Variants in PLPPR1 observed in about 807,000 individuals in gnomAD.
PLPPR1 encodes the protein phospholipid phosphatase-related protein type 1.
A neutral mutation model predicts 33.1 loss-of-function variants in PLPPR1; 10 were observed. That is an observed-to-expected ratio of 0.30 (90% CI 0.19 to 0.51). PLPPR1 has a LOEUF of 0.51. PLPPR1 is among the 20% of genes least tolerant of loss of function. The pLI, the probability that PLPPR1 is intolerant of heterozygous loss-of-function variation, is 0.97. For missense variants in PLPPR1, 304 were observed against 408.1 expected (o/e 0.74, Z 2.20); for synonymous variants, 151 against 151.0 (o/e 1.00, Z 0.00).
intron 1 of PLPPR1, among the ~76,000 whole-genome samples, chr9:101,048,536 G>GGGC (rs1343430412): frequency 6.6e-6 from 1 of 152,108 alleles, no homozygotes; most frequent in Non-Finnish European, 1.5e-5. Context: ...TGGAGAAATG[G>GGGC]GGCTTAGAGT....
chr9:101,129,663 C>T (rs1831291816), intron 1 of PLPPR1, among the ~76,000 whole-genome samples: 1 of 152,128 alleles, frequency 6.6e-6, no homozygotes. Context: ...AACCCCGTCT[C>T]TACTAAAAAT....
chr9:101,220,302 A>T (rs1826902869), intron 2 of PLPPR1, among the ~76,000 whole-genome samples: 1 of 152,236 alleles, frequency 6.6e-6, no homozygotes, highest in African/African-American at 2.4e-5. Flanking sequence ...TTAATTGAGC[A>T]CGGTGGTTTA....
intron 2 of PLPPR1, among the ~76,000 whole-genome samples, chr9:101,209,827 C>T (rs1337099367): frequency 6.6e-6 from 1 of 152,186 alleles, no homozygotes; most frequent in Non-Finnish European, 1.5e-5. Context: ...AAAAATAGCA[C>T]ATCAGCTATG....
intron 1 of PLPPR1, among the ~76,000 whole-genome samples, chr9:101,086,604 C>T (rs1245015044): frequency 6.6e-6 from 1 of 152,218 alleles, no homozygotes; most frequent in African/African-American, 2.4e-5. Flanking sequence ...AACCACACCA[C>T]TGCTCATAGA....
chr9:101,170,300 G>A (rs1452462791), intron 1 of PLPPR1, among the ~76,000 whole-genome samples: 1 of 152,152 alleles, frequency 6.6e-6, no homozygotes, highest in East Asian at 1.9e-4. Context: ...AAAGGAAAGA[G>A]GTTTAATGGA....
chr9:101,163,256 G>A (rs1053286823), intron 1 of PLPPR1, among the ~76,000 whole-genome samples: 1 of 152,162 alleles, frequency 6.6e-6, no homozygotes, highest in African/African-American at 2.4e-5. Context: ...CAAAAATAGA[G>A]AACTGAACTA....
intron 2 of PLPPR1, among the ~76,000 whole-genome samples, chr9:101,231,280 A>T (rs371157462): frequency 5.3e-5 from 2 of 38,088 alleles, no homozygotes; most frequent in Non-Finnish European, 8.8e-5. Context: ...TGCCCCAATT[A>T]AAAAAAAAAC....
chr9:101,280,259 A>T (rs1225372589), intron 3 of PLPPR1, among the ~76,000 whole-genome samples: 1 of 152,188 alleles, frequency 6.6e-6, no homozygotes, highest in East Asian at 1.9e-4. Flanking sequence ...AAACTTGAAT[A>T]GATCAATAAC....
Position 101,131,255 on chromosome 9 carries a change from G to A in PLPPR1, c.-45-54195G>A, listed in dbSNP as rs188539168. ...TATGCGTGAATGCAGGGAGAAATGA[G>A]ATTACCTGAACTCCTGAACCCGCTC... On this transcript the variant is annotated intron_variant, in intron 1 of 7. Coordinates refer to ENST00000374874, the MANE Select transcript of PLPPR1 (RefSeq NM_207299.2). Among the ~76,000 whole-genome samples, 56 of 152,256 alleles carry A rather than the reference G, an allele frequency of 3.7e-4. 1 individual carries two copies. Among genetic ancestry groups the A allele is most frequent in the Admixed American group, 3.4e-3 (52 of 15,298 alleles).
Position 101,062,644 on chromosome 9 carries a change from T to C in PLPPR1, c.-46+33542T>C, listed in dbSNP as rs956249407. Among the ~76,000 whole-genome samples, 3 of 152,060 alleles carry C rather than the reference T, an allele frequency of 2.0e-5. No homozygotes were observed. The East Asian group carries it at 5.8e-4, about 29-fold the overall frequency. On this transcript the variant is annotated intron_variant, in intron 1 of 7. Coordinates refer to ENST00000374874, the MANE Select transcript of PLPPR1 (RefSeq NM_207299.2). The stretch of plus-strand genomic sequence containing the variant: ...TTGTAACTGCATTGAGAGCACTAAC[T>C]CCTGAAATGTAGAGAGGAAAGGCAA...
chr9:101,099,563 G>T (rs1269121814), intron 1 of PLPPR1, among the ~76,000 whole-genome samples: 1 of 152,152 alleles, frequency 6.6e-6, no homozygotes, highest in East Asian at 1.9e-4. Context: ...GTACTGAACA[G>T]GTACAGACTT....
chr9:101,278,586 G>A (rs1483203306), intron 3 of PLPPR1, among the ~76,000 whole-genome samples: 1 of 152,208 alleles, frequency 6.6e-6, no homozygotes. Flanking sequence ...GGGGGAAAGA[G>A]AGGGGTGTGA....
chr9:101,180,094 T>TTATATATA (rs71507977), intron 1 of PLPPR1, among the ~76,000 whole-genome samples: 3 of 62,016 alleles, frequency 4.8e-5, no homozygotes, highest in Admixed American at 1.7e-4. Context: ...AAACTCTCCT[T>TTATATATA]TATATATATA....
At chr9:101,255,472 C>T (rs10989460) in intron 2 of PLPPR1, among the ~76,000 whole-genome samples, 5,966 of 152,240 alleles carry the variant, frequency 0.039, 195 homozygotes, top group South Asian at 0.17. Flanking sequence ...ATGATGTTAA[C>T]TACATCTGTG....
At chr9:101,232,411 C>G (rs1197517186) in intron 2 of PLPPR1, among the ~76,000 whole-genome samples, 3 of 151,524 alleles carry the variant, frequency 2.0e-5, no homozygotes, top group Non-Finnish European at 2.9e-5. Context: ...CATGTTATTG[C>G]TCCTAAATTG....
rs538327639 is a variant in PLPPR1, at chr9:101,211,692, A to G, written c.63+26135A>G. 2.0e-5 allele frequency among the ~76,000 whole-genome samples: 3 copies of G among 152,244 alleles called. No individual in the cohort carries two copies. In the South Asian group the frequency reaches 6.2e-4, roughly 32 times the overall value. Reference sequence around the variant, plus strand: ...TCTGTGACTTCAGTTCTTCTGGGAGATTTATTATTAATGGGCTCATATGAT... The same window carrying G: ...TCTGTGACTTCAGTTCTTCTGGGAGGTTTATTATTAATGGGCTCATATGAT... On this transcript the variant is annotated intron_variant, in intron 2 of 7. Transcript: ENST00000374874.
Position 101,172,077 on chromosome 9 carries a change from C to T in PLPPR1, c.-45-13373C>T, listed in dbSNP as rs563420382. On this transcript the variant is annotated intron_variant, in intron 1 of 7. Coordinates refer to ENST00000374874, the MANE Select transcript of PLPPR1 (RefSeq NM_207299.2). ...TATACCACTCTCCCTTAATTCTAGC[C>T]ATAATCTCATTTTATTGTGAACCAA... Among the ~76,000 whole-genome samples the T allele has an allele frequency of 1.1e-3, 175 of 152,184 alleles. 4 individuals carry two copies. The Middle Eastern group carries it at 0.014, about 12-fold the overall frequency.
intron 4 of PLPPR1, among the ~76,000 whole-genome samples, chr9:101,293,144 G>A (rs1828550949): frequency 6.6e-6 from 1 of 151,794 alleles, no homozygotes; most frequent in Non-Finnish European, 1.5e-5. Flanking sequence ...AAAGGCAGGG[G>A]TTGCAATCCT....
intron 2 of PLPPR1, among the ~76,000 whole-genome samples, chr9:101,193,698 AAT>A (rs1422885229): frequency 5.9e-5 from 9 of 152,234 alleles, no homozygotes; most frequent in Non-Finnish European, 1.2e-4. Flanking sequence ...TCAATAGGAT[AAT>A]ATTGACCCTA....
Sources: allele counts gnomAD v4.1 joint callset (sites outside exome capture counted in the v4.1 genomes callset), GRCh38; gene constraint gnomAD v4.1.1; transcripts MANE v1.5; gene names NCBI Gene and HGNC (gene_info 2026-07-23, HGNC 2026-07-21).